TMTC2: variants seen among roughly 807,000 people sequenced by gnomAD.
TMTC2 encodes protein O-mannosyl-transferase TMTC2.
Under a neutral mutation model 82.4 loss-of-function variants are expected in TMTC2, and 43 were observed. The observed-to-expected ratio is 0.52, with a 90% CI of 0.41 to 0.67. The LOEUF is 0.67. Ranked by LOEUF, TMTC2 falls within the 30% of genes least tolerant of loss-of-function variation. TMTC2 has a pLI of 0.00. For synonymous variants in TMTC2, 408 were observed against 381.9 expected (o/e 1.07, Z -0.80); for missense variants, 919 against 1,012.4 (o/e 0.91, Z 1.25).
At chr12:82,876,064 TGGTG>T (rs1872512930) in intron 2 of TMTC2, among the ~76,000 whole-genome samples, 1 of 113,074 alleles carries the variant, frequency 8.8e-6, no homozygotes, top group Non-Finnish European at 1.9e-5. Context: ...GTGGTGGTGG[TGGTG>T]ATGATGATGA....
chr12:82,965,571 A>C lies in TMTC2; in HGVS notation c.1696A>C (p.Asn566His). The change falls in exon 6 of 12, where the codon AAT (asparagine) becomes CAT (histidine). Residue 566 changes from asparagine (N) to histidine (H), a missense_variant. Asn to His is a moderately conservative substitution (Grantham distance 68, BLOSUM62 1). Coordinates refer to ENST00000321196, the MANE Select transcript of TMTC2 (RefSeq NM_152588.3). ...CTTTTCCCCCTCAGCTGCATATTTA[A>C]ATACCGGTATTATTCTAATGAACCA... Reference protein sequence around the residue: ...SRPTLASAYLNTGIILMNQGR... With the variant: ...SRPTLASAYLHTGIILMNQGR... 2 of 1,613,542 alleles carry C rather than the reference A, an allele frequency of 1.2e-6. No homozygotes were observed. Among genetic ancestry groups the C allele is most frequent in the Non-Finnish European group, 1.7e-6 (2 of 1,179,608 alleles).
chr12:83,061,869 TA>T lies in TMTC2; in HGVS notation c.2331+39del, dbSNP rs753485194. ...CTAATGAGAAACATTTTCAGAGGGA[TA>T]GACTCCAAGCATATGATAGGTGTAA... is the stretch of plus-strand genomic sequence containing the variant. On this transcript the variant is annotated intron_variant, in intron 11 of 11. Coordinates refer to ENST00000321196, the MANE Select transcript of TMTC2 (RefSeq NM_152588.3). 4 of 1,488,994 alleles carry T rather than the reference TA, an allele frequency of 2.7e-6. No individual in the cohort carries two copies. The African/African-American group carries it at 4.2e-5, about 16-fold the overall frequency. The allele number at this position is 1,488,994 out of a possible 1,614,324, so 92.2% of individuals were successfully genotyped here.
intron 2 of TMTC2, among the ~76,000 whole-genome samples, chr12:82,884,853 A>T (rs986297632): frequency 1.3e-5 from 2 of 152,056 alleles, no homozygotes. Context: ...TTTATTTGTC[A>T]TGTCTCCTTA....
chr12:83,033,297 G>C (rs1358347309), intron 9 of TMTC2, among the ~76,000 whole-genome samples: 5 of 152,132 alleles, frequency 3.3e-5, no homozygotes, highest in Non-Finnish European at 5.9e-5. Context: ...TCAAAGGATT[G>C]AATTTTAGAA....
chr12:82,767,041 A>G (rs1877005478), intron 1 of TMTC2, among the ~76,000 whole-genome samples: 1 of 152,038 alleles, frequency 6.6e-6, no homozygotes. Flanking sequence ...TCATCTTGGT[A>G]TTGGCTCTGT....
At chr12:83,107,118 AC>A (rs1464161338) in intron 11 of TMTC2, among the ~76,000 whole-genome samples, 4 of 152,194 alleles carry the variant, frequency 2.6e-5, no homozygotes, top group African/African-American at 9.7e-5. Flanking sequence ...GCTCAGGGGA[AC>A]TTTTTCTCTG....
intron 4 of TMTC2, among the ~76,000 whole-genome samples, chr12:82,964,518 C>G (rs1463645343): frequency 6.6e-6 from 1 of 152,032 alleles, no homozygotes; most frequent in Non-Finnish European, 1.5e-5. Context: ...TCTTTTTTGG[C>G]GTCTGATTAA....
chr12:82,711,980 G>T (rs74386385), intron 1 of TMTC2, among the ~76,000 whole-genome samples: 5,305 of 152,164 alleles, frequency 0.035, 192 homozygotes, highest in East Asian at 0.12. Flanking sequence ...CCCTCATACA[G>T]CACGCTCTAT....
At chr12:82,807,557 A>G (rs1490481790) in intron 1 of TMTC2, among the ~76,000 whole-genome samples, 1 of 152,150 alleles carries the variant, frequency 6.6e-6, no homozygotes, top group African/African-American at 2.4e-5. Context: ...GAGACAATGC[A>G]TGTTTCTAAT....
intron 9 of TMTC2, among the ~76,000 whole-genome samples, chr12:83,044,102 C>A (rs1309174250): frequency 6.6e-6 from 1 of 152,092 alleles, no homozygotes; most frequent in African/African-American, 2.4e-5. Context: ...GTTTACTGCA[C>A]CTCTGCCTAA....
At chr12:83,079,351 C>T (rs1883387153) in intron 11 of TMTC2, among the ~76,000 whole-genome samples, 1 of 152,034 alleles carries the variant, frequency 6.6e-6, no homozygotes, top group African/African-American at 2.4e-5. Flanking sequence ...TAAAACAAAC[C>T]TAATAATTCT....
chr12:83,020,115 T>C (rs7965643), intron 8 of TMTC2, among the ~76,000 whole-genome samples: 89,533 of 152,038 alleles, frequency 0.59, 26,841 homozygotes, highest in South Asian at 0.73. Flanking sequence ...TCCTTGAGTA[T>C]TTCCACTAAA....
chr12:82,810,339 G>C (rs577457852), intron 1 of TMTC2, among the ~76,000 whole-genome samples: 7 of 151,120 alleles, frequency 4.6e-5, no homozygotes, highest in Non-Finnish European at 1.0e-4. Flanking sequence ...AGGGTGCAGT[G>C]TTTATTTGAA....
intron 11 of TMTC2, among the ~76,000 whole-genome samples, chr12:83,129,167 T>A (rs1051494533): frequency 7.9e-5 from 12 of 152,242 alleles, no homozygotes; most frequent in African/African-American, 2.9e-4. Flanking sequence ...ATGTTATAAC[T>A]GAACCTGAAA....
intron 11 of TMTC2, among the ~76,000 whole-genome samples, chr12:83,113,510 G>A (rs1884660524): frequency 6.6e-6 from 1 of 152,188 alleles, no homozygotes; most frequent in African/African-American, 2.4e-5. Flanking sequence ...TATGTGAGCA[G>A]CAGAAGTTCT....
chr12:82,720,349 G>T (rs1469923249), intron 1 of TMTC2, among the ~76,000 whole-genome samples: 1 of 152,020 alleles, frequency 6.6e-6, no homozygotes, highest in Admixed American at 6.6e-5. Flanking sequence ...CTTTTACTTA[G>T]CAAAATATTT....
chr12:82,933,985 A>G (rs1322167011), intron 4 of TMTC2, among the ~76,000 whole-genome samples: 9 of 152,202 alleles, frequency 5.9e-5, no homozygotes. Context: ...CATGTTTGTA[A>G]AATGATGGGA....
At chr12:82,904,663 A>G (rs1210764036) in intron 3 of TMTC2, among the ~76,000 whole-genome samples, 1 of 152,240 alleles carries the variant, frequency 6.6e-6, no homozygotes, top group Admixed American at 6.5e-5. Context: ...AGCAAGCCAC[A>G]TTATATCTGA....
chr12:82,839,245 C>G (rs1055694003), intron 1 of TMTC2, among the ~76,000 whole-genome samples: 1 of 152,202 alleles, frequency 6.6e-6, no homozygotes, highest in Non-Finnish European at 1.5e-5. Flanking sequence ...CATTAGAAGA[C>G]AGGACCACTA....
Sources: gnomAD v4.1 joint callset for allele counts (sites outside exome capture counted in the v4.1 genomes callset) on GRCh38, gnomAD v4.1.1 for gene constraint, MANE v1.5 for transcripts, NCBI Gene and HGNC (gene_info 2026-07-23, HGNC 2026-07-21) for gene names.